The following KTN1 variants were observed in gnomAD, a reference collection of about 807,000 sequenced individuals.
The protein encoded by KTN1 is kinectin 1.
Under a neutral mutation model 222.5 loss-of-function variants are expected in KTN1, and 130 were observed. The ratio of observed to expected loss-of-function variants is 0.58; its 90% CI spans 0.51 to 0.68. The LOEUF (loss-of-function observed/expected upper bound fraction) is 0.68, where lower values mean the gene tolerates loss of function less well. Ranked by LOEUF, KTN1 falls within the 30% of genes least tolerant of loss-of-function variation. KTN1 has a pLI of 0.00. For missense variants in KTN1, 1,508 were observed against 1,500.4 expected (o/e 1.01, Z -0.08); for synonymous variants, 512 against 496.3 (o/e 1.03, Z -0.42).
chr14:55,641,289 G>A (rs10483649), intron 17 of KTN1, 81 bp downstream of exon 17: 215,426 of 775,328 alleles, frequency 0.28, 30,671 homozygotes, highest in East Asian at 0.36. Flanking sequence ...GAAATACTAC[G>A]TTTTGTATGA....
intron 28 of KTN1, among the ~76,000 whole-genome samples, chr14:55,655,294 T>C (rs1395128631): frequency 6.6e-6 from 1 of 152,218 alleles, no homozygotes; most frequent in Non-Finnish European, 1.5e-5. Context: ...TTGCCTTCTT[T>C]TACTTAGCAA....
Position 55,667,265 on chromosome 14 carries a change from G to T in KTN1, c.3202G>T (p.Val1068Phe). ...SKERQQQVEA[V>F]ELEAKEVLKK... ...GGAAAGGCAGCAACAGGTGGAAGCT[G>T]TTGAGTTGGAGGCTAAAGAAGTTCT... Residue 1068 changes from valine (V) to phenylalanine (F), a missense_variant, in exon 34 of 44, where the codon GTT (valine) becomes TTT (phenylalanine). Val to Phe is a conservative substitution (Grantham distance 50). Transcript: ENST00000395314. 6.2e-7 allele frequency: 1 copy of T among 1,605,776 alleles called. No homozygotes were observed. Among genetic ancestry groups the T allele is most frequent in the Non-Finnish European group, 8.5e-7 (1 of 1,176,166 alleles).
chr14:55,648,959 T>C (rs2042665759), intron 21 of KTN1, 89 bp downstream of exon 21: 1 of 911,240 alleles, frequency 1.1e-6, no homozygotes, highest in Non-Finnish European at 1.7e-6. Context: ...GGGGTCTTGC[T>C]CTTTTGCCCA....
In KTN1 at chr14:55,617,959, TG is replaced by T; in HGVS notation, c.662-4del. ...AATTATGATTTTGTTGAACTTAAAT[TG>T]CAGTCTTCGTAGATGAACCCCTTAT... On this transcript the variant is annotated splice_polypyrimidine_tract_variant and splice_region_variant and intron_variant, in intron 3 of 43. Coordinates refer to ENST00000395314, the MANE Select transcript of KTN1 (RefSeq NM_001079521.2). The T allele has an allele frequency of 6.4e-7, 1 of 1,555,368 alleles. No individual in the cohort carries two copies. Among genetic ancestry groups the T allele is most frequent in the Non-Finnish European group, 8.7e-7 (1 of 1,152,654 alleles).
chr14:55,628,008 C>A lies in KTN1; in HGVS notation c.1060C>A (p.Arg354=), dbSNP rs17128636. 6,087 of 1,611,698 alleles carry A rather than the reference C, an allele frequency of 3.8e-3. 201 individuals are homozygous for A. The African/African-American group carries it at 0.071, about 19-fold the overall frequency. The change falls in exon 6 of 44, where the codon CGG becomes AGG. Residue 354 remains arginine, a synonymous_variant. Coordinates refer to ENST00000395314, the MANE Select transcript of KTN1 (RefSeq NM_001079521.2). ...VKEDAAATKD[R]CKQLTQEMMT... is the part of the protein sequence containing the mutation. Reference sequence around the variant, plus strand: ...GGAAGATGCTGCTGCTACAAAGGATCGGTGTAAGCAGTTAACCCAGGTGAA... The same window carrying A: ...GGAAGATGCTGCTGCTACAAAGGATAGGTGTAAGCAGTTAACCCAGGTGAA...
chr14:55,583,542 C>T (rs1418872199), intron 1 of KTN1, among the ~76,000 whole-genome samples: 5 of 152,184 alleles, frequency 3.3e-5, no homozygotes, highest in Admixed American at 3.3e-4. Context: ...AATTTGTTTG[C>T]ACTCTTCTTC....
chr14:55,673,668 A>T (rs968856069), intron 40 of KTN1: 4 of 154,396 alleles, frequency 2.6e-5, no homozygotes, highest in African/African-American at 9.6e-5. Flanking sequence ...TCAAAGACAC[A>T]TATTCTTCAT....
intron 1 of KTN1, among the ~76,000 whole-genome samples, chr14:55,588,502 G>A (rs544133698): frequency 6.6e-6 from 1 of 152,126 alleles, no homozygotes; most frequent in Admixed American, 6.5e-5. Flanking sequence ...AAAAATATGC[G>A]AGAACTATGA....
chr14:55,624,888 AAGC>A (rs1361295320), intron 5 of KTN1, among the ~76,000 whole-genome samples: 1 of 152,208 alleles, frequency 6.6e-6, no homozygotes, highest in African/African-American at 2.4e-5. Context: ...TCCTTAGTAA[AAGC>A]AGTTTCATTG....
chr14:55,681,485 A>C (rs966971354), intron 43 of KTN1: 1 of 152,170 alleles, frequency 6.6e-6, no homozygotes, highest in African/African-American at 2.4e-5. Context: ...TGGCTTGTCC[A>C]TTGCCACATT....
Position 55,658,619 on chromosome 14 carries a change from GTAT to G in KTN1, c.2961+11_2961+13del, listed in dbSNP as rs775702747. ...AAACAACAAAACTACCAACAGGTAG[GTAT>G]TATTAGATGTCTTGCCTTTCACTTA... is the stretch of plus-strand genomic sequence containing the variant. On this transcript the variant is annotated splice_donor_region_variant and intron_variant, in intron 30 of 43. Transcript: ENST00000395314. 55 of 1,587,716 alleles carry G rather than the reference GTAT, an allele frequency of 3.5e-5. No individual in the cohort carries two copies. The African/African-American group carries it at 6.9e-4, about 20-fold the overall frequency.
intron 1 of KTN1, among the ~76,000 whole-genome samples, chr14:55,598,370 G>C (rs969101841): frequency 5.4e-5 from 8 of 149,280 alleles, no homozygotes; most frequent in Non-Finnish European, 1.0e-4. Context: ...AGGAGGCGGA[G>C]CTTGCAGTGA....
chr14:55,612,006 C>A lies in KTN1; in HGVS notation c.-30-13C>A. Reference sequence around the variant, plus strand: ...CTTTTTTTTTTTTTGTCCCCACCTTCTTCCCTATTTAGGTTTTATAGGATC... The same window carrying A: ...CTTTTTTTTTTTTTGTCCCCACCTTATTCCCTATTTAGGTTTTATAGGATC... On this transcript the variant is annotated splice_polypyrimidine_tract_variant and intron_variant, in intron 1 of 43. Coordinates refer to ENST00000395314, the MANE Select transcript of KTN1 (RefSeq NM_001079521.2). The A allele has an allele frequency of 1.3e-5, 14 of 1,074,760 alleles. No homozygotes were observed. Among genetic ancestry groups the A allele is most frequent in the Non-Finnish European group, 1.4e-5 (11 of 803,950 alleles). The allele number at this position is 1,074,760 out of a possible 1,614,324, so 66.6% of individuals were successfully genotyped here.
intron 31 of KTN1, among the ~76,000 whole-genome samples, chr14:55,660,119 G>A (rs1487438243): frequency 6.6e-6 from 1 of 151,876 alleles, no homozygotes; most frequent in Non-Finnish European, 1.5e-5. Flanking sequence ...GGTAGCTCAC[G>A]CCTGTAATCC....
intron 33 of KTN1, among the ~76,000 whole-genome samples, chr14:55,666,286 C>T (rs1396620200): frequency 6.6e-6 from 1 of 151,956 alleles, no homozygotes; most frequent in Non-Finnish European, 1.5e-5. Context: ...TCAAATTTCA[C>T]ATATAAATGT....
In KTN1 at chr14:55,635,216, A is replaced by G. The variant is rs188007202; in HGVS notation, c.1461+558A>G. Among the ~76,000 whole-genome samples, 145 of 152,358 alleles carry G rather than the reference A, an allele frequency of 9.5e-4. 1 individual carries two copies. The East Asian group carries it at 0.01, about 11-fold the overall frequency. ...GTGCCCTATTGAAAGAATTGAATAT[A>G]GGCTTGAATTTGAAGTTAAAGACCG... On this transcript the variant is annotated intron_variant, in intron 9 of 43. Coordinates refer to ENST00000395314, the MANE Select transcript of KTN1 (RefSeq NM_001079521.2).
chr14:55,662,321 C>T (rs780651277), intron 32 of KTN1, among the ~76,000 whole-genome samples: 1 of 152,096 alleles, frequency 6.6e-6, no homozygotes, highest in East Asian at 1.9e-4. Context: ...CCACCTGCCT[C>T]GGCCTCGCAA....
chr14:55,679,201 T>C (rs1488375056), intron 42 of KTN1: 1 of 192,768 alleles, frequency 5.2e-6, no homozygotes, highest in Admixed American at 6.0e-5. Flanking sequence ...ACTTACTTAC[T>C]AAGAGCTCAG....
At chr14:55,652,617 T>C (rs1235114675) in intron 25 of KTN1, among the ~76,000 whole-genome samples, 1 of 152,170 alleles carries the variant, frequency 6.6e-6, no homozygotes, top group African/African-American at 2.4e-5. Flanking sequence ...GCCAGGATGG[T>C]CTTGATCTCC....
Sources: allele counts gnomAD v4.1 joint callset (sites outside exome capture counted in the v4.1 genomes callset), GRCh38; gene constraint gnomAD v4.1.1; transcripts MANE v1.5; gene names NCBI Gene and HGNC (gene_info 2026-07-23, HGNC 2026-07-21).